ELMO1: variants seen among roughly 807,000 people sequenced by gnomAD.
The protein encoded by ELMO1 is engulfment and cell motility protein 1.
Under a neutral mutation model 98.9 loss-of-function variants are expected in ELMO1, and 26 were observed. The observed-to-expected ratio is 0.26, with a 90% CI of 0.19 to 0.36. ELMO1 has a LOEUF of 0.36. Ranked by LOEUF, ELMO1 falls within the 10% of genes least tolerant of loss-of-function variation. ELMO1 has a pLI of 1.00. For synonymous variants in ELMO1, 346 were observed against 346.0 expected (o/e 1.00, Z 0.00); for missense variants, 627 against 935.2 (o/e 0.67, Z 4.30).
chr7:37,227,221 A>T (rs572049688), intron 8 of ELMO1, among the ~76,000 whole-genome samples: 1 of 152,220 alleles, frequency 6.6e-6, no homozygotes, highest in East Asian at 1.9e-4. Flanking sequence ...GGTCTAACTC[A>T]TTGCTGGGTT....
chr7:37,396,947 AC>A, intron 1 of ELMO1, among the ~76,000 whole-genome samples: 1 of 152,346 alleles, frequency 6.6e-6, no homozygotes, highest in East Asian at 1.9e-4. Flanking sequence ...AAGTGCTTGC[AC>A]TAAGAAAAAG....
At chr7:37,228,089 CTTCT>C (rs761201499) in intron 8 of ELMO1, among the ~76,000 whole-genome samples, 4 of 152,142 alleles carry the variant, frequency 2.6e-5, no homozygotes, top group African/African-American at 4.8e-5. Flanking sequence ...TGAAACTTAA[CTTCT>C]TTCTTTTGTT....
chr7:36,876,296 T>C (rs1803956464), intron 19 of ELMO1, among the ~76,000 whole-genome samples: 1 of 152,086 alleles, frequency 6.6e-6, no homozygotes, highest in Non-Finnish European at 1.5e-5. Context: ...GTCTTTTATC[T>C]AAGATTAGGT....
rs570717947 is a variant in ELMO1 at position 37,433,249 on chromosome 7, C to G, written c.-74+15426G>C. ...GTGCTCACATACATGGAAAATAGTG[C>G]TTCTGTCTGCAGACATACACTGAGT... On this transcript the variant is annotated intron_variant, in intron 1 of 21. Transcript: ENST00000310758. 2.6e-4 allele frequency among the ~76,000 whole-genome samples: 40 copies of G among 152,320 alleles called. No homozygotes were observed. The South Asian group carries it at 8.3e-3, about 32-fold the overall frequency.
At chr7:37,101,816 A>T (rs113629383) in intron 14 of ELMO1, among the ~76,000 whole-genome samples, 1 of 151,960 alleles carries the variant, frequency 6.6e-6, no homozygotes, top group South Asian at 2.1e-4. Flanking sequence ...CTCCTAGGAG[A>T]GAGTCACTCA....
At chr7:37,081,665 C>T (rs1350104773) in intron 15 of ELMO1, among the ~76,000 whole-genome samples, 1 of 152,174 alleles carries the variant, frequency 6.6e-6, no homozygotes, top group Admixed American at 6.5e-5. Flanking sequence ...TAAGACGTGC[C>T]TTTTGCCTTG....
At chr7:36,920,360 C>T (rs1257404030) in intron 16 of ELMO1, among the ~76,000 whole-genome samples, 2 of 152,210 alleles carry the variant, frequency 1.3e-5, no homozygotes, top group Non-Finnish European at 2.9e-5. Context: ...AAGAGGCTGA[C>T]CTCATATAGC....
At chr7:37,183,184 G>A (rs994181325) in intron 13 of ELMO1, among the ~76,000 whole-genome samples, 1 of 150,202 alleles carries the variant, frequency 6.7e-6, no homozygotes, top group African/African-American at 2.4e-5. Flanking sequence ...AGAGGAGGAC[G>A]ATCTGGCACA....
intron 15 of ELMO1, among the ~76,000 whole-genome samples, chr7:37,041,586 G>T (rs1266957115): frequency 6.6e-6 from 1 of 152,166 alleles, no homozygotes; most frequent in Non-Finnish European, 1.5e-5. Flanking sequence ...GACACTGTTT[G>T]AAAAGTATCA....
intron 15 of ELMO1, among the ~76,000 whole-genome samples, chr7:37,017,950 T>C (rs1794038486): frequency 6.6e-6 from 1 of 152,126 alleles, no homozygotes; most frequent in Non-Finnish European, 1.5e-5. Flanking sequence ...TTAAATGTGA[T>C]GCCCCCTAGC....
chr7:37,322,917 T>C (rs932970769), intron 2 of ELMO1, among the ~76,000 whole-genome samples: 1 of 152,192 alleles, frequency 6.6e-6, no homozygotes. Context: ...AGCTTTTTGT[T>C]TGGATGATCA....
chr7:37,158,902 C>A (rs1012566760), intron 13 of ELMO1, among the ~76,000 whole-genome samples: 2 of 152,160 alleles, frequency 1.3e-5, no homozygotes, highest in Non-Finnish European at 2.9e-5. Context: ...TGGAACCAAC[C>A]CAAATATCCA....
chr7:37,058,878 C>T (rs1017025566), intron 15 of ELMO1, among the ~76,000 whole-genome samples: 7 of 152,180 alleles, frequency 4.6e-5, no homozygotes, highest in African/African-American at 1.7e-4. Flanking sequence ...AAGGATTTCT[C>T]AGAGATTTCT....
At chr7:37,199,792 C>T (rs923141701) in intron 13 of ELMO1, among the ~76,000 whole-genome samples, 1 of 152,122 alleles carries the variant, frequency 6.6e-6, no homozygotes, top group Non-Finnish European at 1.5e-5. Context: ...CAGCTGACAG[C>T]AAAGGTGGAT....
chr7:36,873,833 C>T (rs1562787425), intron 19 of ELMO1, among the ~76,000 whole-genome samples: 1 of 152,198 alleles, frequency 6.6e-6, no homozygotes, highest in East Asian at 1.9e-4. Flanking sequence ...GCAAATGTGG[C>T]CACCCATGAT....
intron 1 of ELMO1, among the ~76,000 whole-genome samples, chr7:37,444,552 G>A (rs773278794): frequency 9.9e-5 from 15 of 151,696 alleles, no homozygotes; most frequent in Non-Finnish European, 1.5e-4. Context: ...TTGCTCTGTC[G>A]CCCAGGCTGG....
Position 37,115,374 on chromosome 7 carries a change from A to C in ELMO1, c.1191+17756T>G, listed in dbSNP as rs967112778. On this transcript the variant is annotated intron_variant, in intron 14 of 21. Coordinates refer to ENST00000310758, the MANE Select transcript of ELMO1 (RefSeq NM_014800.11). ...ACAAAATTATCAAATAGAATCCAAC[A>C]ATCTATAAATAGAATTATGCACCAC... Among the ~76,000 whole-genome samples, 9 of 152,358 alleles carry C rather than the reference A, an allele frequency of 5.9e-5. No homozygotes were observed. The East Asian group carries it at 7.7e-4, about 13-fold the overall frequency.
chr7:37,370,058 AGAG>A (rs1345769965), intron 1 of ELMO1, among the ~76,000 whole-genome samples: 1 of 152,340 alleles, frequency 6.6e-6, no homozygotes, highest in East Asian at 1.9e-4. Context: ...ATTAACCACC[AGAG>A]AAGAGACTAG....
chr7:37,341,319 A>G lies in ELMO1; in HGVS notation c.78+1294T>C, dbSNP rs962327684. Among the ~76,000 whole-genome samples the G allele has an allele frequency of 2.0e-4, 31 of 152,302 alleles. No individual in the cohort carries two copies. The East Asian group carries it at 2.9e-3, about 14-fold the overall frequency. Reference sequence around the variant, plus strand: ...TGTGGCCAAACCTAATCCAAACTACATTTAGTCTGCACCGAGTATCTCCAA... The same window carrying G: ...TGTGGCCAAACCTAATCCAAACTACGTTTAGTCTGCACCGAGTATCTCCAA... On this transcript the variant is annotated intron_variant, in intron 2 of 21. Coordinates refer to ENST00000310758, the MANE Select transcript of ELMO1 (RefSeq NM_014800.11).
Sources: allele counts gnomAD v4.1 joint callset (sites outside exome capture counted in the v4.1 genomes callset), GRCh38; gene constraint gnomAD v4.1.1; transcripts MANE v1.5; gene names NCBI Gene and HGNC (gene_info 2026-07-23, HGNC 2026-07-21).